Variants in MOK observed in about 807,000 individuals in gnomAD.
MOK encodes the protein MAPK/MAK/MRK overlapping kinase.
Under a neutral mutation model 54.2 loss-of-function variants are expected in MOK, and 59 were observed. That is an observed-to-expected ratio of 1.09 (90% CI 0.88 to 1.35). MOK has a LOEUF of 1.35. Ranked by LOEUF, MOK falls within the 40% of genes most tolerant of loss-of-function variation. The pLI, the probability that MOK is intolerant of heterozygous loss-of-function variation, is 0.00. For synonymous variants in MOK, 210 were observed against 202.7 expected (o/e 1.04, Z -0.31); for missense variants, 517 against 526.2 (o/e 0.98, Z 0.17).
rs2065223461 is a variant in MOK, at chr14:102,236,367, A to AT, written c.591-2579dup. Among the ~76,000 whole-genome samples, 1 of 152,118 alleles carries AT rather than the reference A, an allele frequency of 6.6e-6. No homozygotes were observed. Among genetic ancestry groups the AT allele is most frequent in the Non-Finnish European group, 1.5e-5 (1 of 68,012 alleles). Reference sequence around the variant, plus strand: ...TTGCCTGAATTTTCAGGACCCACTCATCCCTCTCAGGTCTCAGTTGTGGGG... The same window carrying AT: ...TTGCCTGAATTTTCAGGACCCACTCATTCCCTCTCAGGTCTCAGTTGTGGGG... On this transcript the variant is annotated intron_variant, in intron 7 of 11. Transcript: ENST00000361847. This position sits in a 1 kb window ranked among gnomAD's most constrained non-coding sequence, Gnocchi z 4.5.
At chr14:102,282,823 G>A (rs925079156) in intron 2 of MOK, among the ~76,000 whole-genome samples, 3 of 151,928 alleles carry the variant, frequency 2.0e-5, no homozygotes, top group South Asian at 2.1e-4. Flanking sequence ...AGGCCAAGGC[G>A]GGCGGATCAC....
chr14:102,227,872 G>A (rs952310240), downstream of MOK, among the ~76,000 whole-genome samples: 14 of 152,242 alleles, frequency 9.2e-5, no homozygotes, highest in South Asian at 6.2e-4. Context: ...TGAAGGAAGG[G>A]TGTCACAGAT....
intron 2 of MOK, among the ~76,000 whole-genome samples, chr14:102,274,281 T>G: frequency 1.4e-5 from 2 of 142,796 alleles, no homozygotes; most frequent in Non-Finnish European, 1.5e-5. Flanking sequence ...TTGAGACAGG[T>G]TCTCACTCTG....
chr14:102,236,399 G>A lies in MOK; in HGVS notation c.591-2610C>T, dbSNP rs936120653. 6.6e-6 allele frequency among the ~76,000 whole-genome samples: 1 copy of A among 152,118 alleles called. No homozygotes were observed. The highest frequency in any genetic ancestry group is 1.5e-5 in the Non-Finnish European group (1 of 68,018). ...TCAGGTCTCAGTTGTGGGGGCTGAT[G>A]GACTCATCTTGCGTCCACGCGCCAC... is the stretch of plus-strand genomic sequence containing the variant. On this transcript the variant is annotated intron_variant, in intron 7 of 11. Coordinates refer to ENST00000361847, the MANE Select transcript of MOK (RefSeq NM_014226.3). This position sits in a 1 kb window ranked among gnomAD's most constrained non-coding sequence, Gnocchi z 4.5.
downstream of MOK, among the ~76,000 whole-genome samples, chr14:102,224,247 A>G (rs370671826): frequency 9.8e-4 from 149 of 151,700 alleles, 4 homozygotes; most frequent in East Asian, 0.022. Flanking sequence ...TCACCATGTT[A>G]GCCAGGATGG....
intron 4 of MOK, among the ~76,000 whole-genome samples, chr14:102,255,541 G>A (rs745576439): frequency 4.2e-4 from 63 of 148,998 alleles, no homozygotes; most frequent in Admixed American, 7.3e-4. Flanking sequence ...TCCTGGTCCC[G>A]GGCCAGTAGT....
intron 4 of MOK, among the ~76,000 whole-genome samples, chr14:102,254,536 G>A (rs1471948553): frequency 1.3e-5 from 2 of 152,152 alleles, no homozygotes; most frequent in African/African-American, 2.4e-5. Context: ...CCTGGGTCCT[G>A]TGATCAAACC....
At chr14:102,278,560 C>A in intron 2 of MOK, 1 of 418,004 alleles carries the variant, frequency 2.4e-6, no homozygotes, top group Non-Finnish European at 4.8e-6. Flanking sequence ...GCATCTGCAG[C>A]TGGGAAGAAC....
chr14:102,269,563 C>T (rs1351768695), intron 2 of MOK, among the ~76,000 whole-genome samples: 1 of 151,278 alleles, frequency 6.6e-6, no homozygotes, highest in Non-Finnish European at 1.5e-5. Context: ...ATCTCCATCT[C>T]CTGGGTTCAA....
intron 2 of MOK, among the ~76,000 whole-genome samples, chr14:102,270,876 T>G (rs1294797342): frequency 6.6e-6 from 1 of 152,062 alleles, no homozygotes. Context: ...TCACTTACAA[T>G]AGCTGAATTT....
chr14:102,290,507 T>C (rs1185334665), intron 1 of MOK, among the ~76,000 whole-genome samples: 2 of 151,740 alleles, frequency 1.3e-5, no homozygotes, highest in Admixed American at 1.3e-4. Context: ...GCTTGGGGAA[T>C]GGAACATTAA....
chr14:102,247,916 C>T (rs1203270920), intron 7 of MOK, among the ~76,000 whole-genome samples: 7 of 152,232 alleles, frequency 4.6e-5, no homozygotes, highest in Admixed American at 6.5e-5. Context: ...CCAGCCATAA[C>T]CATTCTTCTT....
At position 102,263,541 on chromosome 14, in the gene MOK, C is replaced by T. The variant is rs201791437; in HGVS notation, c.283+5G>A. 12 of 1,582,508 alleles carry T rather than the reference C, an allele frequency of 7.6e-6. No homozygotes were observed. The highest frequency in any genetic ancestry group is 5.4e-5 in the African/African-American group (4 of 73,790). ...TTAGGTTAGCTTTCAAATTATTCTA[C>T]GTACCTCGTATTAGCTCATAAATAT... is the stretch of plus-strand genomic sequence containing the variant. On this transcript the variant is annotated splice_donor_5th_base_variant and intron_variant, in intron 4 of 11. Transcript: ENST00000361847.
intron 1 of MOK, among the ~76,000 whole-genome samples, chr14:102,298,263 G>C (rs1299143768): frequency 2.6e-5 from 4 of 152,176 alleles, no homozygotes; most frequent in Admixed American, 2.6e-4. Context: ...TCAGCACTCT[G>C]TATCTAGCTA....
rs139232368 is a variant in MOK at position 102,273,553 on chromosome 14, G to A, written c.123-7641C>T. On this transcript the variant is annotated intron_variant, in intron 2 of 11. Transcript: ENST00000361847. ...AGCACTTTGCGAGGCCAAGGTGGGC[G>A]GATCACCTGAAGTCAGGAGTTCGAG... Among the ~76,000 whole-genome samples the A allele has an allele frequency of 3.5e-3, 536 of 152,156 alleles. 3 individuals carry two copies. The highest frequency in any genetic ancestry group is 0.012 in the African/African-American group (500 of 41,484).
intron 4 of MOK, among the ~76,000 whole-genome samples, chr14:102,258,018 C>T (rs2067111367): frequency 6.6e-6 from 1 of 151,690 alleles, no homozygotes; most frequent in African/African-American, 2.4e-5. Context: ...CCACTTATAG[C>T]AATTTGACAT....
chr14:102,258,015 T>C (rs939554121), intron 4 of MOK, among the ~76,000 whole-genome samples: 1 of 152,024 alleles, frequency 6.6e-6, no homozygotes, highest in Non-Finnish European at 1.5e-5. Context: ...GAACCACTTA[T>C]AGCAATTTGA....
In MOK at chr14:102,230,313, G is replaced by C. The variant is rs1321858891; in HGVS notation, c.982-656C>G. The C allele has an allele frequency of 2.6e-5, 4 of 152,216 alleles. No individual in the cohort carries two copies. In the East Asian group the frequency reaches 5.8e-4, roughly 22 times the overall value. The allele number at this position is 152,216 out of a possible 1,614,324, so 9.4% of individuals were successfully genotyped here. On this transcript the variant is annotated intron_variant, in intron 10 of 11. Coordinates refer to ENST00000361847, the MANE Select transcript of MOK (RefSeq NM_014226.3). This position sits in a 1 kb window ranked among gnomAD's most constrained non-coding sequence, Gnocchi z 4.1. ...TCCTACCCTGGCCTCCCTAAGCACT[G>C]GGTTTACAGGTGTGAGCCACCGCAC...
At position 102,275,512 on chromosome 14, in the gene MOK, A is replaced by G. The variant is rs186468676; in HGVS notation, c.122+7966T>C. Among the ~76,000 whole-genome samples, 675 of 149,822 alleles carry G rather than the reference A, an allele frequency of 4.5e-3. 6 individuals are homozygous for G. Among genetic ancestry groups the G allele is most frequent in the African/African-American group, 0.015 (624 of 40,402 alleles). The stretch of plus-strand genomic sequence containing the variant: ...CTGGGAGGCGGAGCTTGCAGTGAGC[A>G]GAGATAGCGCCACTGCAGTCCAGCC... On this transcript the variant is annotated intron_variant, in intron 2 of 11. Coordinates refer to ENST00000361847, the MANE Select transcript of MOK (RefSeq NM_014226.3).
Sources: allele counts gnomAD v4.1 joint callset (sites outside exome capture counted in the v4.1 genomes callset), GRCh38; gene constraint gnomAD v4.1.1; non-coding constraint Gnocchi (gnomAD v3.1); transcripts MANE v1.5; gene names NCBI Gene and HGNC (gene_info 2026-07-23, HGNC 2026-07-21).